The following SAMD5 variants were observed in gnomAD, a reference collection of about 807,000 sequenced individuals.
SAMD5 encodes sterile alpha motif domain-containing protein 5.
SAMD5 carries 13 observed loss-of-function variants against 11.3 expected under a neutral mutation model. The ratio of observed to expected loss-of-function variants is 1.15; its 90% CI spans 0.75 to 1.83. SAMD5 has a LOEUF of 1.83. Among genes scored for constraint, SAMD5 ranks in the 40% most tolerant of loss-of-function variants. SAMD5 has a pLI of 0.00. For missense variants in SAMD5, 255 were observed against 239.1 expected (o/e 1.07, Z -0.44); for synonymous variants, 129 against 111.3 (o/e 1.16, Z -1.00).
intron 1 of SAMD5, among the ~76,000 whole-genome samples, chr6:147,706,017 A>G (rs1027667049): frequency 5.9e-5 from 9 of 152,244 alleles, no homozygotes; most frequent in Middle Eastern, 3.4e-3. Flanking sequence ...TTTTTTAACA[A>G]TCCATAATTA....
the SAMD5 span, among the ~76,000 whole-genome samples, chr6:147,888,123 G>C: frequency 6.6e-6 from 1 of 151,936 alleles, no homozygotes; most frequent in African/African-American, 2.4e-5. Flanking sequence ...TCTCTTACCA[G>C]TATATTCTAA....
chr6:147,742,743 TC>T, the SAMD5 span, among the ~76,000 whole-genome samples: 6 of 152,078 alleles, frequency 3.9e-5, no homozygotes, highest in African/African-American at 1.5e-4. Context: ...ATGAAGTTTC[TC>T]CTTGATCACC....
At chr6:147,768,322 A>C in the SAMD5 span, among the ~76,000 whole-genome samples, 1 of 152,084 alleles carries the variant, frequency 6.6e-6, no homozygotes, top group Non-Finnish European at 1.5e-5. Context: ...ACATAGTGAA[A>C]CCTCGTCTCT....
At chr6:147,820,634 AG>A in the SAMD5 span, among the ~76,000 whole-genome samples, 1 of 152,218 alleles carries the variant, frequency 6.6e-6, no homozygotes, top group Non-Finnish European at 1.5e-5. Flanking sequence ...TCTGAACAAA[AG>A]GGCTTCTATT....
the SAMD5 span, among the ~76,000 whole-genome samples, chr6:147,813,797 G>A: frequency 6.2e-3 from 941 of 152,320 alleles, 9 homozygotes; most frequent in African/African-American, 0.021. Context: ...TAACTCTTTG[G>A]ACTGAGTACC....
At chr6:147,624,310 C>G (rs147954548) in intron 1 of SAMD5, among the ~76,000 whole-genome samples, 1 of 152,126 alleles carries the variant, frequency 6.6e-6, no homozygotes. Context: ...TTCCCCCACC[C>G]CACCCCCATC....
intron 1 of SAMD5, among the ~76,000 whole-genome samples, chr6:147,549,956 A>G (rs1788743062): frequency 6.6e-6 from 1 of 150,582 alleles, no homozygotes; most frequent in African/African-American, 2.4e-5. Context: ...TTAAAAAGTC[A>G]AAAATAGGCC....
At chr6:147,871,888 C>A in the SAMD5 span, among the ~76,000 whole-genome samples, 1 of 152,002 alleles carries the variant, frequency 6.6e-6, no homozygotes, top group African/African-American at 2.4e-5. Context: ...TCTAATATAG[C>A]GAATTAAATC....
the SAMD5 span, among the ~76,000 whole-genome samples, chr6:147,829,475 T>G: frequency 6.6e-6 from 1 of 152,230 alleles, no homozygotes; most frequent in Non-Finnish European, 1.5e-5. Context: ...GAAAATTTTC[T>G]CATGATTTTT....
chr6:147,732,066 A>G (rs1203702447), intron 1 of SAMD5, among the ~76,000 whole-genome samples: 6 of 152,158 alleles, frequency 3.9e-5, no homozygotes, highest in Admixed American at 1.3e-4. Context: ...ATCATAAAAT[A>G]TTACTATTAA....
intron 1 of SAMD5, among the ~76,000 whole-genome samples, chr6:147,677,041 C>T (rs1790873920): frequency 6.6e-6 from 1 of 152,142 alleles, no homozygotes; most frequent in African/African-American, 2.4e-5. Flanking sequence ...GGCTCTTTTC[C>T]TGATTTTTAT....
At chr6:147,820,457 G>A in the SAMD5 span, among the ~76,000 whole-genome samples, 655 of 152,194 alleles carry the variant, frequency 4.3e-3, 3 homozygotes, top group Non-Finnish European at 6.9e-3. Context: ...ACCTCGGTTC[G>A]ATTTCATTTT....
At chr6:147,860,464 T>C in the SAMD5 span, among the ~76,000 whole-genome samples, 1 of 152,226 alleles carries the variant, frequency 6.6e-6, no homozygotes, top group South Asian at 2.1e-4. Context: ...TGCACGTCTT[T>C]AAACAGGTCA....
chr6:147,733,721 T>G, intron 1 of SAMD5: 1 of 795,998 alleles, frequency 1.3e-6, no homozygotes, highest in Non-Finnish European at 1.5e-6. Context: ...GTGATTCATG[T>G]TTTCTAGGAT....
chr6:147,730,098 GA>G (rs759763550), intron 1 of SAMD5: 6 of 405,804 alleles, frequency 1.5e-5, no homozygotes, highest in Admixed American at 8.8e-5. Flanking sequence ...AAAAAGAAAA[GA>G]AAAAAAGAAA....
chr6:147,745,312 T>C, the SAMD5 span, among the ~76,000 whole-genome samples: 2 of 152,186 alleles, frequency 1.3e-5, no homozygotes, highest in East Asian at 3.8e-4. Context: ...AATACTTTTC[T>C]ATATGTTTGA....
In SAMD5 at chr6:147,591,925, C is replaced by T. The variant is rs76619310; in HGVS notation, c.162+82538C>T. ...CGGTTTCCCTCAGCAAGCAGCTCTT[C>T]TGTCTCTAGAAGTCTCCCCAGTTTT... On this transcript the variant is annotated intron_variant, in intron 1 of 1. Transcript: ENST00000566741. 1.1e-3 allele frequency among the ~76,000 whole-genome samples: 169 copies of T among 152,228 alleles called. No individual in the cohort carries two copies. In the East Asian group the frequency reaches 0.026, roughly 23 times the overall value.
At chr6:147,771,832 C>G in the SAMD5 span, among the ~76,000 whole-genome samples, 1 of 152,196 alleles carries the variant, frequency 6.6e-6, no homozygotes, top group Non-Finnish European at 1.5e-5. Context: ...CATTTTATTT[C>G]TAACTTAAAT....
chr6:147,800,778 CATAA>C, the SAMD5 span, among the ~76,000 whole-genome samples: 1 of 152,006 alleles, frequency 6.6e-6, no homozygotes, highest in African/African-American at 2.4e-5. Context: ...GAATCAAATC[CATAA>C]ATAATGTTTA....
Sources: gnomAD v4.1 joint callset for allele counts (sites outside exome capture counted in the v4.1 genomes callset) on GRCh38, gnomAD v4.1.1 for gene constraint, MANE v1.5 for transcripts, NCBI Gene and HGNC (gene_info 2026-07-23, HGNC 2026-07-21) for gene names.